The following AMBRA1 variants were observed in gnomAD, a reference collection of about 807,000 sequenced individuals.
The protein encoded by AMBRA1 is activating molecule in BECN1-regulated autophagy protein 1.
AMBRA1 carries 47 observed loss-of-function variants against 125.4 expected under a neutral mutation model. That is an observed-to-expected ratio of 0.37 (90% CI 0.30 to 0.48). The LOEUF is 0.48. Ranked by LOEUF, AMBRA1 falls within the 20% of genes least tolerant of loss-of-function variation. The pLI is 0.99. For missense variants in AMBRA1, 1,331 were observed against 1,693.4 expected, an observed-to-expected ratio of 0.79 and a Z score of 3.76; for synonymous variants, 626 against 655.5, an observed-to-expected ratio of 0.95 and a Z score of 0.69.
intron 1 of AMBRA1, among the ~76,000 whole-genome samples, chr11:46,555,854 C>A (rs1425218692): frequency 2.0e-5 from 3 of 152,200 alleles, no homozygotes; most frequent in African/African-American, 7.2e-5. Flanking sequence ...ACCTATAGAC[C>A]TGCAAGAAGC....
At chr11:46,513,942 C>T (rs1951373177) in intron 7 of AMBRA1, among the ~76,000 whole-genome samples, 2 of 151,494 alleles carry the variant, frequency 1.3e-5, no homozygotes, top group African/African-American at 2.4e-5. Flanking sequence ...AAACACGGCC[C>T]AGGGGCTCCC....
intron 11 of AMBRA1, among the ~76,000 whole-genome samples, chr11:46,465,510 A>G (rs564907248): frequency 1.3e-5 from 2 of 152,320 alleles, no homozygotes; most frequent in Admixed American, 6.5e-5. Context: ...ACTGTTCTCT[A>G]AAGATTAAAA....
chr11:46,581,529 C>G (rs545317934), intron 1 of AMBRA1, among the ~76,000 whole-genome samples: 4 of 152,090 alleles, frequency 2.6e-5, no homozygotes, highest in African/African-American at 9.7e-5. Flanking sequence ...ATGACGTGAG[C>G]CCGGAGGCAG....
chr11:46,556,280 A>C (rs2043153878), intron 1 of AMBRA1, among the ~76,000 whole-genome samples: 1 of 152,232 alleles, frequency 6.6e-6, no homozygotes, highest in Non-Finnish European at 1.5e-5. Context: ...TGTAAGCACC[A>C]CAAGCCAGCA....
At chr11:46,544,107 C>T in intron 5 of AMBRA1, 66 bp from the exon 6 acceptor site, 5 of 1,331,244 alleles carry the variant, frequency 3.8e-6, no homozygotes, top group Non-Finnish European at 4.3e-6. Flanking sequence ...GAAGAGGAAA[C>T]TTGTGTTTGA....
intron 7 of AMBRA1, among the ~76,000 whole-genome samples, chr11:46,518,586 A>C (rs1246805670): frequency 6.6e-6 from 1 of 152,174 alleles, no homozygotes; most frequent in Admixed American, 6.5e-5. Flanking sequence ...GGAGCTGGCA[A>C]GGCAGAACTG....
intron 1 of AMBRA1, among the ~76,000 whole-genome samples, chr11:46,553,368 G>GA (rs761418350): frequency 2.6e-5 from 4 of 152,088 alleles, no homozygotes; most frequent in African/African-American, 9.7e-5. Context: ...AATACAGACA[G>GA]AAAAAAACAT....
intron 17 of AMBRA1, among the ~76,000 whole-genome samples, chr11:46,406,058 G>A (rs7924437): frequency 6.6e-6 from 1 of 150,924 alleles, no homozygotes; most frequent in African/African-American, 2.4e-5. Context: ...TTTATTTATT[G>A]TATTATTATT....
At chr11:46,473,609 T>C (rs554780913) in intron 11 of AMBRA1, among the ~76,000 whole-genome samples, 1 of 152,292 alleles carries the variant, frequency 6.6e-6, no homozygotes, top group South Asian at 2.1e-4. Context: ...CAATAATAAG[T>C]ATTGAAAAGG....
intron 15 of AMBRA1, among the ~76,000 whole-genome samples, chr11:46,417,614 G>T (rs1425118738): frequency 6.6e-6 from 1 of 152,120 alleles, no homozygotes; most frequent in Non-Finnish European, 1.5e-5. Context: ...GCTTTTGACT[G>T]CAGGGAAACT....
chr11:46,492,397 C>T (rs1223768635), intron 11 of AMBRA1, among the ~76,000 whole-genome samples: 1 of 152,206 alleles, frequency 6.6e-6, no homozygotes, highest in Non-Finnish European at 1.5e-5. Flanking sequence ...TCAGACAGTG[C>T]CACTGCCTCA....
At chr11:46,585,249 A>G (rs1452159181) in intron 1 of AMBRA1, among the ~76,000 whole-genome samples, 1 of 152,040 alleles carries the variant, frequency 6.6e-6, no homozygotes, top group Non-Finnish European at 1.5e-5. Context: ...GGAAAACCAG[A>G]GACCTTTGTT....
intron 7 of AMBRA1, chr11:46,530,464 CAAGA>C (rs997238085): frequency 1.1e-4 from 16 of 152,200 alleles, no homozygotes; most frequent in African/African-American, 3.9e-4. Flanking sequence ...ACACGATTCC[CAAGA>C]AAGAAAGTGA....
intron 11 of AMBRA1, among the ~76,000 whole-genome samples, chr11:46,493,313 T>G (rs1015630682): frequency 6.6e-6 from 1 of 152,118 alleles, no homozygotes; most frequent in African/African-American, 2.4e-5. Flanking sequence ...TATCATTCAA[T>G]TAAAAGCATA....
intron 14 of AMBRA1, among the ~76,000 whole-genome samples, chr11:46,421,105 T>G (rs1333253258): frequency 6.6e-6 from 1 of 151,966 alleles, no homozygotes; most frequent in Non-Finnish European, 1.5e-5. Flanking sequence ...GAACTTCCTT[T>G]GGGGACAAAA....
chr11:46,586,086 T>C (rs1364990451), intron 1 of AMBRA1, among the ~76,000 whole-genome samples: 2 of 152,026 alleles, frequency 1.3e-5, no homozygotes, highest in Non-Finnish European at 2.9e-5. Flanking sequence ...TTACAGGCAT[T>C]AGCCACTGCA....
At chr11:46,537,832 T>C (rs1214277460) in intron 7 of AMBRA1, among the ~76,000 whole-genome samples, 1 of 152,226 alleles carries the variant, frequency 6.6e-6, no homozygotes, top group Non-Finnish European at 1.5e-5. Context: ...TATCTTCTAC[T>C]ATAAGGCCAA....
rs1044791821 is a variant in AMBRA1 at position 46,528,461 on chromosome 11, G to A, written c.2072+13484C>T. Among the ~76,000 whole-genome samples the A allele has an allele frequency of 8.5e-5, 13 of 152,328 alleles. No homozygotes were observed. The East Asian group carries it at 2.1e-3, about 25-fold the overall frequency. On this transcript the variant is annotated intron_variant, in intron 7 of 17. Transcript: ENST00000683756. ...GCTGGGATTACAGGCGTGAGCCACC[G>A]CGCCCAGCCACTGTGACATATTAAT... is the stretch of plus-strand genomic sequence containing the variant.
intron 11 of AMBRA1, among the ~76,000 whole-genome samples, chr11:46,481,289 T>C (rs1950056117): frequency 6.6e-6 from 1 of 152,200 alleles, no homozygotes; most frequent in African/African-American, 2.4e-5. Context: ...AATATAATTC[T>C]TCTACAGGGC....
Sources: allele counts gnomAD v4.1 joint callset (sites outside exome capture counted in the v4.1 genomes callset), GRCh38; gene constraint gnomAD v4.1.1; transcripts MANE v1.5; gene names NCBI Gene and HGNC (gene_info 2026-07-23, HGNC 2026-07-21).